IL1R1: variants seen among roughly 807,000 people sequenced by gnomAD.
The protein encoded by IL1R1 is interleukin 1 receptor type 1.
In IL1R1, 22 loss-of-function variants were observed where a neutral mutation model predicts 50.2. The observed-to-expected ratio is 0.44, with a 90% CI of 0.31 to 0.63. The LOEUF is 0.63. Ranked by LOEUF, IL1R1 falls within the 20% of genes least tolerant of loss-of-function variation. The probability of loss-of-function intolerance (pLI) is 0.07; values close to 1 mark genes in which losing one functional copy is unlikely to be tolerated. For synonymous variants in IL1R1, 251 were observed against 236.7 expected, an observed-to-expected ratio of 1.06 and a Z score of -0.55; for missense variants, 509 against 676.2, an observed-to-expected ratio of 0.75 and a Z score of 2.74.
Position 102,165,271 on chromosome 2 carries a change from AAAT to A in IL1R1, c.457_459del (p.Asn153del). ...CTTATATGGAGTTTTTTAAAAATGA[AAAT>A]AATGAGTTACCTAAATTACAGTGGT... On this transcript the variant is annotated inframe_deletion, in exon 5 of 12. Coordinates refer to ENST00000410023, the MANE Select transcript of IL1R1 (RefSeq NM_000877.4). 1 of 1,579,256 alleles carries A rather than the reference AAAT, an allele frequency of 6.3e-7. No individual in the cohort carries two copies. Among genetic ancestry groups the A allele is most frequent in the Non-Finnish European group, 8.6e-7 (1 of 1,169,178 alleles).
At chr2:102,173,547 T>A (rs916749753) in intron 9 of IL1R1, among the ~76,000 whole-genome samples, 1 of 152,226 alleles carries the variant, frequency 6.6e-6, no homozygotes, top group Non-Finnish European at 1.5e-5. Flanking sequence ...TAGCAAAAGC[T>A]GTTCAAAACC....
chr2:102,166,886 AG>A (rs770370686), intron 6 of IL1R1, among the ~76,000 whole-genome samples: 1 of 152,236 alleles, frequency 6.6e-6, no homozygotes. Flanking sequence ...TAATAGGTGT[AG>A]GATGATTGTT....
chr2:102,086,002 T>G (rs1409826606), intron 1 of IL1R1, among the ~76,000 whole-genome samples: 1 of 152,168 alleles, frequency 6.6e-6, no homozygotes, highest in Non-Finnish European at 1.5e-5. Flanking sequence ...TTTAGTGAGC[T>G]TGTACATGAA....
rs111725576 is a variant in IL1R1 at position 102,175,300 on chromosome 2, A to G, written c.1136-178A>G. Among the ~76,000 whole-genome samples the G allele has an allele frequency of 9.9e-5, 15 of 152,082 alleles. 1 individual carries two copies. Among genetic ancestry groups the G allele is most frequent in the African/African-American group, 3.6e-4 (15 of 41,498 alleles). Reference sequence around the variant, plus strand: ...TTGCAGTAAAACACAAGAAATAGAAACCTTGTAAGAGATGAACACTTTTTA... The same window carrying G: ...TTGCAGTAAAACACAAGAAATAGAAGCCTTGTAAGAGATGAACACTTTTTA... On this transcript the variant is annotated intron_variant, in intron 10 of 11. Coordinates refer to ENST00000410023, the MANE Select transcript of IL1R1 (RefSeq NM_000877.4).
chr2:102,094,131 A>T (rs1283102194), intron 1 of IL1R1, among the ~76,000 whole-genome samples: 3 of 152,334 alleles, frequency 2.0e-5, no homozygotes, highest in Non-Finnish European at 4.4e-5. Context: ...TAATATTTTC[A>T]CTCACTGGCA....
rs188431308 is a variant in IL1R1 at position 102,073,048 on chromosome 2, A to C, written c.-84+2515A>C. Among the ~76,000 whole-genome samples the C allele has an allele frequency of 1.8e-3, 281 of 152,220 alleles. 2 individuals are homozygous for C. Among genetic ancestry groups the C allele is most frequent in the Non-Finnish European group, 2.7e-3 (183 of 68,020 alleles). On this transcript the variant is annotated intron_variant, in intron 1 of 11. Transcript: ENST00000409929. Reference sequence around the variant, plus strand: ...TTTTCCCTGTCCTCATTTTTCTTAAATGTTTTCATTTAATCCAGGCATTAT... The same window carrying C: ...TTTTCCCTGTCCTCATTTTTCTTAACTGTTTTCATTTAATCCAGGCATTAT...
intron 1 of IL1R1, among the ~76,000 whole-genome samples, chr2:102,108,856 C>A (rs774794031): frequency 6.6e-6 from 1 of 151,644 alleles, no homozygotes; most frequent in Non-Finnish European, 1.5e-5. Flanking sequence ...TTTAAGGAGG[C>A]ATCGATTTTC....
At chr2:102,113,279 T>C (rs1481992263) in intron 1 of IL1R1, among the ~76,000 whole-genome samples, 2 of 152,258 alleles carry the variant, frequency 1.3e-5, no homozygotes, top group African/African-American at 4.8e-5. Context: ...AGCACATTTG[T>C]GTCTTTTGTG....
At chr2:102,077,897 T>A (rs1259301412) in intron 1 of IL1R1, among the ~76,000 whole-genome samples, 1 of 151,810 alleles carries the variant, frequency 6.6e-6, no homozygotes, top group African/African-American at 2.4e-5. Context: ...CGAAATGAAA[T>A]TAGAAATCAA....
chr2:102,118,374 A>G (rs1367302198), intron 1 of IL1R1, among the ~76,000 whole-genome samples: 3 of 152,144 alleles, frequency 2.0e-5, no homozygotes, highest in Admixed American at 6.5e-5. Flanking sequence ...TGTCTTCTGT[A>G]TCCTTTATTG....
rs1260180864 is a variant in IL1R1, at chr2:102,164,754, C to A, written c.62-20C>A. The A allele has an allele frequency of 1.3e-6, 2 of 1,560,034 alleles. No individual in the cohort carries two copies. The highest frequency in any genetic ancestry group is 1.8e-6 in the Non-Finnish European group (2 of 1,134,836). On this transcript the variant is annotated intron_variant, in intron 3 of 11. Coordinates refer to ENST00000410023, the MANE Select transcript of IL1R1 (RefSeq NM_000877.4). The stretch of plus-strand genomic sequence containing the variant: ...GGCAGATTTTTATGTAAATTGCTTC[C>A]ACCCTTCTTCCTTTTAAAGATAAAT...
At chr2:102,126,323 A>T (rs909330915) in intron 1 of IL1R1, among the ~76,000 whole-genome samples, 1 of 152,208 alleles carries the variant, frequency 6.6e-6, no homozygotes, top group Non-Finnish European at 1.5e-5. Context: ...AGGCTGAAAC[A>T]GCTTGTGCCT....
intron 1 of IL1R1, among the ~76,000 whole-genome samples, chr2:102,116,881 C>G (rs1220352569): frequency 6.6e-6 from 1 of 152,184 alleles, no homozygotes; most frequent in African/African-American, 2.4e-5. Flanking sequence ...TTGCATGTCT[C>G]TAACTTCTGA....
At chr2:102,111,451 C>T (rs1230936874) in intron 1 of IL1R1, among the ~76,000 whole-genome samples, 1 of 152,190 alleles carries the variant, frequency 6.6e-6, no homozygotes, top group Non-Finnish European at 1.5e-5. Flanking sequence ...TGGAGTACAA[C>T]TCAGTTTACA....
intron 3 of IL1R1, among the ~76,000 whole-genome samples, chr2:102,163,605 TA>T (rs1262802595): frequency 6.6e-6 from 1 of 152,224 alleles, no homozygotes; most frequent in Admixed American, 6.5e-5. Context: ...ATCTTTCCTG[TA>T]GCATCTTGAA....
intron 1 of IL1R1, among the ~76,000 whole-genome samples, chr2:102,144,963 C>T (rs535305166): frequency 6.6e-6 from 1 of 152,310 alleles, no homozygotes; most frequent in Admixed American, 6.5e-5. Flanking sequence ...CAGATGGAAA[C>T]CCTGTGGCTG....
intron 7 of IL1R1, among the ~76,000 whole-genome samples, chr2:102,169,663 C>A (rs1685503386): frequency 6.6e-6 from 1 of 152,208 alleles, no homozygotes; most frequent in Non-Finnish European, 1.5e-5. Flanking sequence ...TGCTTGTGAT[C>A]TGTGAATTCT....
At chr2:102,114,767 C>T (rs1680970499) in intron 1 of IL1R1, among the ~76,000 whole-genome samples, 1 of 151,966 alleles carries the variant, frequency 6.6e-6, no homozygotes, top group African/African-American at 2.4e-5. Flanking sequence ...TGACATATAT[C>T]TATAGAACCT....
chr2:102,159,712 A>T (rs1001955275), intron 3 of IL1R1, among the ~76,000 whole-genome samples: 1 of 152,136 alleles, frequency 6.6e-6, no homozygotes, highest in East Asian at 1.9e-4. Context: ...GACTTTGAGG[A>T]CCTGCCAGTC....
Sources: gnomAD v4.1 joint callset for allele counts (sites outside exome capture counted in the v4.1 genomes callset) on GRCh38, gnomAD v4.1.1 for gene constraint, MANE v1.5 for transcripts, NCBI Gene and HGNC (gene_info 2026-07-23, HGNC 2026-07-21) for gene names.